Variants in NCALD observed in about 807,000 individuals in gnomAD.
The protein encoded by NCALD is neurocalcin delta.
In NCALD, 10 loss-of-function variants were observed where a neutral mutation model predicts 18.6. That is an observed-to-expected ratio of 0.54 (90% CI 0.33 to 0.91). The LOEUF (loss-of-function observed/expected upper bound fraction) is 0.91. NCALD is among the 40% of genes least tolerant of loss of function. The probability of loss-of-function intolerance (pLI) is 0.03; values close to 1 mark genes in which losing one functional copy is unlikely to be tolerated. For missense variants in NCALD, 184 were observed against 247.6 expected (o/e 0.74, Z 1.72); for synonymous variants, 88 against 87.4 (o/e 1.01, Z -0.04).
intron 1 of NCALD, among the ~76,000 whole-genome samples, chr8:101,777,879 A>C (rs561645923): frequency 4.6e-5 from 7 of 152,340 alleles, no homozygotes; most frequent in African/African-American, 1.4e-4. Context: ...ATATGTTTGG[A>C]TTGAGCCAAC....
At chr8:102,064,318 A>G (rs980813894) in intron 1 of NCALD, among the ~76,000 whole-genome samples, 3 of 152,158 alleles carry the variant, frequency 2.0e-5, no homozygotes, top group Non-Finnish European at 2.9e-5. Flanking sequence ...CAACACTGCC[A>G]GGGCTCAGGG....
intron 1 of NCALD, among the ~76,000 whole-genome samples, chr8:101,728,108 A>C (rs569103921): frequency 1.9e-4 from 29 of 152,332 alleles, no homozygotes; most frequent in African/African-American, 7.0e-4. Context: ...TACTATCAGG[A>C]ATCTAAAATA....
intron 4 of NCALD, among the ~76,000 whole-genome samples, chr8:101,804,593 ATAAT>A (rs1389851989): frequency 7.6e-6 from 1 of 131,596 alleles, no homozygotes; most frequent in African/African-American, 3.0e-5. Context: ...TATATAATAT[ATAAT>A]TAATATAATT....
intron 1 of NCALD, among the ~76,000 whole-genome samples, chr8:102,115,582 T>A (rs902250371): frequency 6.6e-6 from 1 of 152,234 alleles, no homozygotes. Context: ...CTCTTTACCT[T>A]GCCTTATGTG....
intron 2 of NCALD, among the ~76,000 whole-genome samples, chr8:101,959,813 G>A (rs559992058): frequency 2.0e-5 from 3 of 152,206 alleles, no homozygotes; most frequent in Admixed American, 2.0e-4. Context: ...CAACATCTGG[G>A]CACTAGGTGT....
intron 1 of NCALD, among the ~76,000 whole-genome samples, chr8:102,034,780 G>A (rs574141309): frequency 9.2e-5 from 14 of 152,282 alleles, no homozygotes; most frequent in South Asian, 2.1e-4. Flanking sequence ...GAAGTGGACC[G>A]TGACACAACT....
chr8:101,961,221 T>C (rs985139749), intron 2 of NCALD, among the ~76,000 whole-genome samples: 2 of 152,172 alleles, frequency 1.3e-5, no homozygotes, highest in Non-Finnish European at 2.9e-5. Context: ...ATAATATAAG[T>C]AAAATATTTA....
intron 2 of NCALD, among the ~76,000 whole-genome samples, chr8:101,986,033 T>C (rs1007782986): frequency 6.6e-6 from 1 of 152,102 alleles, no homozygotes; most frequent in Admixed American, 6.5e-5. Flanking sequence ...TTTTTTCCTT[T>C]CCTTTTCTTT....
intron 1 of NCALD, among the ~76,000 whole-genome samples, chr8:101,721,041 CT>C (rs758038909): frequency 6.6e-6 from 1 of 152,088 alleles, no homozygotes; most frequent in Non-Finnish European, 1.5e-5. Flanking sequence ...CTCAGGGAAG[CT>C]TTCTTGGAGG....
At chr8:102,063,963 A>G (rs973884547) in intron 1 of NCALD, among the ~76,000 whole-genome samples, 2 of 152,142 alleles carry the variant, frequency 1.3e-5, no homozygotes, top group Non-Finnish European at 2.9e-5. Context: ...CCAGGTCCAT[A>G]TACAATTCAT....
intron 4 of NCALD, among the ~76,000 whole-genome samples, chr8:101,822,836 T>C (rs1257258222): frequency 6.6e-6 from 1 of 152,212 alleles, no homozygotes; most frequent in African/African-American, 2.4e-5. Context: ...GTCTAATTTC[T>C]GGGTTACCCA....
At chr8:101,915,319 G>A (rs1035796862) in intron 3 of NCALD, among the ~76,000 whole-genome samples, 6 of 152,296 alleles carry the variant, frequency 3.9e-5, no homozygotes, top group African/African-American at 1.2e-4. Flanking sequence ...CACACAAATT[G>A]ATGAATTAAT....
chr8:101,888,855 A>G (rs1036832930), intron 3 of NCALD, among the ~76,000 whole-genome samples: 1 of 152,210 alleles, frequency 6.6e-6, no homozygotes, highest in Non-Finnish European at 1.5e-5. Context: ...CAACCCTGTC[A>G]GCAGTGGGCA....
chr8:102,036,141 A>AT (rs1277736912), intron 1 of NCALD, among the ~76,000 whole-genome samples: 115 of 151,106 alleles, frequency 7.6e-4, no homozygotes, highest in Admixed American at 1.4e-3. Flanking sequence ...AAATAAATAA[A>AT]TAAATTAATT....
intron 1 of NCALD, among the ~76,000 whole-genome samples, chr8:102,086,834 T>A (rs1824754220): frequency 6.6e-6 from 1 of 152,130 alleles, no homozygotes; most frequent in Non-Finnish European, 1.5e-5. Context: ...ATAAATATAT[T>A]GCTGATAAAA....
intron 1 of NCALD, among the ~76,000 whole-genome samples, chr8:101,757,151 C>T (rs1230946664): frequency 1.3e-5 from 2 of 152,150 alleles, no homozygotes; most frequent in Non-Finnish European, 2.9e-5. Context: ...CTACTGTTTA[C>T]CCACCATGGC....
intron 2 of NCALD, among the ~76,000 whole-genome samples, chr8:101,975,735 C>T (rs1820397859): frequency 6.6e-6 from 1 of 152,180 alleles, no homozygotes; most frequent in African/African-American, 2.4e-5. Flanking sequence ...CATAAATGTC[C>T]TTATTTTAAT....
At chr8:101,722,078 T>C (rs1475659240) in intron 1 of NCALD, among the ~76,000 whole-genome samples, 1 of 152,154 alleles carries the variant, frequency 6.6e-6, no homozygotes, top group Non-Finnish European at 1.5e-5. Flanking sequence ...CCTGGGCTCA[T>C]GCCGTCTTCC....
At chr8:102,103,661 C>T (rs752744781) in intron 1 of NCALD, among the ~76,000 whole-genome samples, 2 of 152,132 alleles carry the variant, frequency 1.3e-5, no homozygotes, top group Non-Finnish European at 2.9e-5. Flanking sequence ...CTCAAGCAAT[C>T]CTACTGCCTC....
Sources: gnomAD v4.1 joint callset for allele counts (sites outside exome capture counted in the v4.1 genomes callset) on GRCh38, gnomAD v4.1.1 for gene constraint, MANE v1.5 for transcripts, NCBI Gene and HGNC (gene_info 2026-07-23, HGNC 2026-07-21) for gene names.